Variants in OCA2 observed in about 807,000 individuals in gnomAD.
The protein encoded by OCA2 is OCA2 melanosomal transmembrane protein.
A neutral mutation model predicts 100.2 loss-of-function variants in OCA2; 77 were observed. The ratio of observed to expected loss-of-function variants is 0.77; its 90% CI spans 0.64 to 0.93. The LOEUF (loss-of-function observed/expected upper bound fraction) is 0.93. Among genes scored for constraint, OCA2 ranks in the 40% least tolerant of loss-of-function variants. The pLI is 0.00. For synonymous variants in OCA2, 432 were observed against 439.2 expected (o/e 0.98, Z 0.21); for missense variants, 1,062 against 1,089.1 (o/e 0.98, Z 0.35).
intron 18 of OCA2, among the ~76,000 whole-genome samples, chr15:27,943,394 C>G (rs1036924516): frequency 3.9e-5 from 6 of 152,160 alleles, no homozygotes; most frequent in Non-Finnish European, 8.8e-5. Context: ...TGAAAGAAAT[C>G]AAAGTATTTT....
chr15:27,742,846 G>A, the OCA2 span, among the ~76,000 whole-genome samples: 1 of 152,172 alleles, frequency 6.6e-6, no homozygotes, highest in Admixed American at 6.5e-5. Context: ...ACACATGGCC[G>A]TGGCCTTGGG....
intron 23 of OCA2, among the ~76,000 whole-genome samples, chr15:27,774,885 G>A (rs2032101394): frequency 6.6e-6 from 1 of 152,144 alleles, no homozygotes; most frequent in Non-Finnish European, 1.5e-5. Flanking sequence ...CTGGCACCTT[G>A]ACCTTGGACT....
chr15:27,722,801 T>TC, the OCA2 span, among the ~76,000 whole-genome samples: 37 of 82,932 alleles, frequency 4.5e-4, no homozygotes, highest in Middle Eastern at 7.4e-3. Flanking sequence ...TCTCTCTCTC[T>TC]TTCTCTCTCT....
chr15:27,730,732 A>AATATATAT, the OCA2 span, among the ~76,000 whole-genome samples: 127 of 101,948 alleles, frequency 1.2e-3, no homozygotes, highest in Admixed American at 2.8e-3. Context: ...AAAAAGACCA[A>AATATATAT]ATATATATAT....
intron 9 of OCA2, among the ~76,000 whole-genome samples, chr15:28,007,176 A>G (rs1466695897): frequency 8.5e-5 from 13 of 152,274 alleles, no homozygotes; most frequent in Non-Finnish European, 2.9e-5. Flanking sequence ...AATCCTTCTT[A>G]AAACATAATA....
chr15:27,959,374 G>C (rs1595719744), intron 15 of OCA2, among the ~76,000 whole-genome samples: 2 of 105,638 alleles, frequency 1.9e-5, no homozygotes, highest in East Asian at 2.0e-4. Context: ...AAGGGGAAGA[G>C]GAAGTGAAGG....
chr15:27,924,456 AATG>A (rs1204458283), intron 19 of OCA2, among the ~76,000 whole-genome samples: 3 of 152,010 alleles, frequency 2.0e-5, no homozygotes, highest in Non-Finnish European at 2.9e-5. Flanking sequence ...AAATAATTGA[AATG>A]ATAAAACTAT....
intron 23 of OCA2, among the ~76,000 whole-genome samples, chr15:27,803,852 G>T (rs1424057405): frequency 1.3e-5 from 2 of 152,196 alleles, no homozygotes; most frequent in African/African-American, 4.8e-5. Context: ...GTAGAGAAAT[G>T]AGAGTTCTCA....
intron 9 of OCA2, among the ~76,000 whole-genome samples, chr15:27,996,861 T>G (rs1458395189): frequency 6.6e-6 from 1 of 151,906 alleles, no homozygotes; most frequent in Non-Finnish European, 1.5e-5. Context: ...ACCAAACATT[T>G]AAAGAATGCC....
rs746034963 is a variant in OCA2, at chr15:27,888,911, G to A, written c.2080-16989C>T. ...AGTGATACAGAGCAAAAATGTAAAC[G>A]AGACCTGGTGCCTTCCCTCATGTGA... is the stretch of plus-strand genomic sequence containing the variant. On this transcript the variant is annotated intron_variant, in intron 19 of 23. Transcript: ENST00000354638. Among the ~76,000 whole-genome samples the A allele has an allele frequency of 7.9e-5, 12 of 152,074 alleles. No homozygotes were observed. The South Asian group carries it at 1.2e-3, about 16-fold the overall frequency.
chr15:28,007,091 T>C (rs954239311), intron 9 of OCA2, among the ~76,000 whole-genome samples: 2 of 152,192 alleles, frequency 1.3e-5, no homozygotes, highest in Non-Finnish European at 2.9e-5. Context: ...CTGCATCATT[T>C]TGCTACAATT....
chr15:27,784,647 G>A (rs550946531), intron 23 of OCA2, among the ~76,000 whole-genome samples: 6 of 152,070 alleles, frequency 3.9e-5, no homozygotes, highest in Non-Finnish European at 8.8e-5. Context: ...GAGATGGGAA[G>A]AACAAAACAT....
intron 14 of OCA2, among the ~76,000 whole-genome samples, chr15:27,972,443 T>C (rs1272087467): frequency 6.6e-6 from 1 of 152,276 alleles, no homozygotes; most frequent in Non-Finnish European, 1.5e-5. Flanking sequence ...CCATAAGGGT[T>C]GTATTAATTT....
the OCA2 span, among the ~76,000 whole-genome samples, chr15:27,737,207 A>G: frequency 1.3e-5 from 2 of 152,252 alleles, no homozygotes; most frequent in African/African-American, 4.8e-5. Context: ...AGCCTAAATA[A>G]AAGCTCATGA....
At chr15:27,858,061 A>T (rs2036004284) in intron 21 of OCA2, among the ~76,000 whole-genome samples, 1 of 152,228 alleles carries the variant, frequency 6.6e-6, no homozygotes, top group South Asian at 2.1e-4. Context: ...AGAAACAAAA[A>T]ATCTAAGATA....
At chr15:27,944,737 C>T (rs796805375) in intron 18 of OCA2, among the ~76,000 whole-genome samples, 6 of 152,148 alleles carry the variant, frequency 3.9e-5, no homozygotes, top group Admixed American at 2.0e-4. Flanking sequence ...CCACCCTCCC[C>T]GCCATTCTTC....
chr15:27,789,909 T>A (rs185852507), intron 23 of OCA2, among the ~76,000 whole-genome samples: 1 of 152,174 alleles, frequency 6.6e-6, no homozygotes, highest in East Asian at 1.9e-4. Context: ...AATATAATAC[T>A]AAAGGCATGA....
intron 9 of OCA2, among the ~76,000 whole-genome samples, chr15:27,996,805 C>T (rs1263344099): frequency 1.3e-5 from 2 of 151,984 alleles, no homozygotes; most frequent in Non-Finnish European, 2.9e-5. Flanking sequence ...TAATCAAAAA[C>T]CTTCCAACAA....
the OCA2 span, among the ~76,000 whole-genome samples, chr15:27,749,747 A>C: frequency 6.6e-6 from 1 of 152,222 alleles, no homozygotes; most frequent in Non-Finnish European, 1.5e-5. Context: ...TCTTCAAAGA[A>C]TATTAAATAC....
Sources: allele counts gnomAD v4.1 joint callset (sites outside exome capture counted in the v4.1 genomes callset), GRCh38; gene constraint gnomAD v4.1.1; transcripts MANE v1.5; gene names NCBI Gene and HGNC (gene_info 2026-07-23, HGNC 2026-07-21).